The following ITGB6 variants were observed in gnomAD, a reference collection of about 807,000 sequenced individuals.
ITGB6 encodes integrin subunit beta 6.
Under a neutral mutation model 84.5 loss-of-function variants are expected in ITGB6, and 80 were observed. That is an observed-to-expected ratio of 0.95 (90% CI 0.79 to 1.14). The LOEUF is 1.14. ITGB6 is among the 50% of genes most tolerant of loss of function. The probability of loss-of-function intolerance (pLI) is 0.00; values close to 1 mark genes in which losing one functional copy is unlikely to be tolerated. For missense variants in ITGB6, 1,006 were observed against 968.0 expected (o/e 1.04, Z -0.52); for synonymous variants, 383 against 354.9 (o/e 1.08, Z -0.89).
intron 6 of ITGB6, among the ~76,000 whole-genome samples, chr2:160,171,567 C>A (rs549578196): frequency 6.6e-6 from 1 of 152,256 alleles, no homozygotes; most frequent in South Asian, 2.1e-4. Flanking sequence ...CATCTCCTGA[C>A]CTCGTGATCC....
At chr2:160,134,594 C>A (rs1286732361) in intron 10 of ITGB6, among the ~76,000 whole-genome samples, 2 of 152,106 alleles carry the variant, frequency 1.3e-5, no homozygotes, top group Admixed American at 6.6e-5. Flanking sequence ...CTGGCAGAGA[C>A]ACAACTAAAA....
intron 14 of ITGB6, 77 bp from the exon 15 acceptor site, chr2:160,101,911 G>A: frequency 1.3e-6 from 1 of 767,664 alleles, no homozygotes; most frequent in Non-Finnish European, 2.2e-6. Context: ...GTGCAAATTG[G>A]AAGAGGAGAG....
At chr2:160,183,933 A>G (rs1685790461) in intron 4 of ITGB6, among the ~76,000 whole-genome samples, 1 of 152,252 alleles carries the variant, frequency 6.6e-6, no homozygotes, top group Non-Finnish European at 1.5e-5. Context: ...GAAACCAATG[A>G]GAACAAAGAC....
At chr2:160,118,544 A>C (rs146798962) in intron 12 of ITGB6, among the ~76,000 whole-genome samples, 101,107 of 151,376 alleles carry the variant, frequency 0.67, 34,136 homozygotes, top group Admixed American at 0.74. Flanking sequence ...TATGACAAAC[A>C]CACAGCCAAT....
chr2:160,197,862 C>T (rs1193395761), intron 2 of ITGB6, among the ~76,000 whole-genome samples: 4 of 152,240 alleles, frequency 2.6e-5, no homozygotes, highest in African/African-American at 7.2e-5. Context: ...TCTATCTGCC[C>T]TAAGCAGAAG....
At position 160,126,374 on chromosome 2, in the gene ITGB6, A is replaced by G. The variant is rs1193601189; in HGVS notation, c.1883+5T>C. On this transcript the variant is annotated splice_donor_5th_base_variant and intron_variant, in intron 11 of 14. Coordinates refer to ENST00000283249, the MANE Select transcript of ITGB6 (RefSeq NM_000888.5). ...ATAAGGAATGGAGAAAAGCAGAGAC[A>G]TTACCGTTTAGAGTTACAGGGGTCA... 6.2e-7 allele frequency: 1 copy of G among 1,612,426 alleles called. No individual in the cohort carries two copies. Among genetic ancestry groups the G allele is most frequent in the Middle Eastern group, 1.7e-4 (1 of 6,058 alleles).
intron 10 of ITGB6, among the ~76,000 whole-genome samples, chr2:160,126,986 C>T (rs766528004): frequency 4.6e-5 from 7 of 152,098 alleles, no homozygotes; most frequent in Non-Finnish European, 8.8e-5. Flanking sequence ...TATTATATAC[C>T]CTTCTCCCTT....
intron 10 of ITGB6, among the ~76,000 whole-genome samples, chr2:160,128,888 T>C (rs1683341794): frequency 6.6e-6 from 1 of 152,088 alleles, no homozygotes; most frequent in Admixed American, 6.6e-5. Flanking sequence ...TCAAGGGGCC[T>C]GTGGGACATC....
At chr2:160,184,227 A>G (rs1052583538) in intron 4 of ITGB6, among the ~76,000 whole-genome samples, 3 of 152,152 alleles carry the variant, frequency 2.0e-5, no homozygotes, top group South Asian at 4.1e-4. Flanking sequence ...ATAGATGACC[A>G]CTAGCCAGAA....
chr2:160,122,614 T>C (rs550066997), intron 12 of ITGB6, among the ~76,000 whole-genome samples: 1 of 152,292 alleles, frequency 6.6e-6, no homozygotes, highest in South Asian at 2.1e-4. Context: ...TCGCCTTTGG[T>C]AGTAATGTAA....
At chr2:160,166,888 CA>C (rs1340960497) in intron 7 of ITGB6, among the ~76,000 whole-genome samples, 4 of 152,166 alleles carry the variant, frequency 2.6e-5, no homozygotes. Flanking sequence ...CTGGGCGGTC[CA>C]AAGCATTCTA....
intron 7 of ITGB6, among the ~76,000 whole-genome samples, chr2:160,151,529 A>G (rs1248555543): frequency 1.3e-5 from 2 of 152,218 alleles, no homozygotes; most frequent in Admixed American, 1.3e-4. Context: ...CATCACAATT[A>G]AAAGAACTAG....
chr2:160,107,127 G>A (rs559277468), intron 14 of ITGB6, among the ~76,000 whole-genome samples: 2 of 152,130 alleles, frequency 1.3e-5, no homozygotes, highest in Non-Finnish European at 2.9e-5. Flanking sequence ...ATACTTTTGG[G>A]GTTTTTTTCA....
intron 7 of ITGB6, among the ~76,000 whole-genome samples, chr2:160,164,824 T>A (rs1574107660): frequency 6.6e-6 from 1 of 152,328 alleles, no homozygotes; most frequent in South Asian, 2.1e-4. Flanking sequence ...AGGCTTTGAG[T>A]TCTTTAGAAG....
intron 4 of ITGB6, among the ~76,000 whole-genome samples, chr2:160,175,153 G>A (rs541539177): frequency 1.3e-5 from 2 of 152,326 alleles, no homozygotes; most frequent in South Asian, 4.1e-4. Flanking sequence ...GCACATGTGG[G>A]GCCTGGGCCT....
At chr2:160,184,653 C>T (rs1685820919) in intron 4 of ITGB6, among the ~76,000 whole-genome samples, 1 of 152,024 alleles carries the variant, frequency 6.6e-6, no homozygotes, top group Non-Finnish European at 1.5e-5. Context: ...TCCTAATACA[C>T]AAGCCTGGCA....
chr2:160,187,935 C>T (rs952639150), intron 4 of ITGB6, among the ~76,000 whole-genome samples: 1 of 151,972 alleles, frequency 6.6e-6, no homozygotes. Context: ...TTGAGGACCA[C>T]TAGATTAAAA....
chr2:160,142,887 T>C (rs1366726832), intron 7 of ITGB6, among the ~76,000 whole-genome samples: 3 of 152,232 alleles, frequency 2.0e-5, no homozygotes, highest in Non-Finnish European at 4.4e-5. Context: ...TGTTTTCAAA[T>C]GAAAAGTTTT....
chr2:160,124,073 T>A (rs1676034551), intron 11 of ITGB6, among the ~76,000 whole-genome samples, 185 bp from the exon 12 acceptor site: 1 of 152,242 alleles, frequency 6.6e-6, no homozygotes, highest in South Asian at 2.1e-4. Flanking sequence ...TATTCTGAGT[T>A]CCACTCAGTA....
Sources: gnomAD v4.1 joint callset for allele counts (sites outside exome capture counted in the v4.1 genomes callset) on GRCh38, gnomAD v4.1.1 for gene constraint, MANE v1.5 for transcripts, NCBI Gene and HGNC (gene_info 2026-07-23, HGNC 2026-07-21) for gene names.